Variants in SOX5 observed in about 807,000 individuals in gnomAD.
SOX5 encodes SRY-box transcription factor 5, also known as transcription factor SOX-5.
SOX5 carries 9 observed loss-of-function variants against 92.0 expected under a neutral mutation model. The ratio of observed to expected loss-of-function variants is 0.10; its 90% CI spans 0.06 to 0.17. SOX5 has a LOEUF of 0.17. Ranked by LOEUF, SOX5 falls within the 10% of genes least tolerant of loss-of-function variation. SOX5 has a pLI of 1.00. For synonymous variants in SOX5, 344 were observed against 336.3 expected (o/e 1.02, Z -0.25); for missense variants, 642 against 944.5 (o/e 0.68, Z 4.20).
chr12:24,383,762 TG>T (rs1368016341), intron 1 of SOX5, among the ~76,000 whole-genome samples: 1 of 152,076 alleles, frequency 6.6e-6, no homozygotes. Flanking sequence ...AAGGACTGGT[TG>T]GGGGGTACTG....
At chr12:23,936,623 A>G (rs946365474) in intron 1 of SOX5, among the ~76,000 whole-genome samples, 1 of 150,852 alleles carries the variant, frequency 6.6e-6, no homozygotes, top group Non-Finnish European at 1.5e-5. Flanking sequence ...AGAAGTTTTG[A>G]TTTCCCTCCA....
chr12:24,212,469 C>T (rs1958734712), intron 4 of SOX5: 1 of 533,960 alleles, frequency 1.9e-6, no homozygotes, highest in African/African-American at 1.9e-5. Context: ...AGACACACTC[C>T]AGGGGAGCTG....
chr12:23,856,309 A>G (rs1156251265), intron 2 of SOX5, among the ~76,000 whole-genome samples: 1 of 152,172 alleles, frequency 6.6e-6, no homozygotes, highest in Admixed American at 6.5e-5. Flanking sequence ...GTTTTAAAGG[A>G]CATAAAAAGC....
rs368337447 is a variant in SOX5 at position 24,036,317 on chromosome 12, G to A, written c.-1-140293C>T. ...CCTTAGGAAGGGGGTAGTCCCATGTGTAAATGATAATTAATGCCATTAAAC... is the reference window on the plus strand; with the variant it reads ...CCTTAGGAAGGGGGTAGTCCCATGTATAAATGATAATTAATGCCATTAAAC... On this transcript the variant is annotated intron_variant, in intron 4 of 4. Transcript: ENST00000446891. 7.9e-5 allele frequency among the ~76,000 whole-genome samples: 12 copies of A among 152,192 alleles called. No individual in the cohort carries two copies. The East Asian group carries it at 1.4e-3, about 17-fold the overall frequency.
chr12:24,500,439 G>A (rs776465011), intron 1 of SOX5, among the ~76,000 whole-genome samples: 1 of 151,998 alleles, frequency 6.6e-6, no homozygotes, highest in African/African-American at 2.4e-5. Context: ...CTTTTTAAAC[G>A]ACATGATGAT....
chr12:24,507,695 AC>A (rs1948927420), intron 1 of SOX5, among the ~76,000 whole-genome samples: 1 of 152,218 alleles, frequency 6.6e-6, no homozygotes, highest in African/African-American at 2.4e-5. Context: ...ATTGTTATGT[AC>A]GAAAATGTCC....
intron 1 of SOX5, among the ~76,000 whole-genome samples, chr12:23,945,564 T>A (rs2139679110): frequency 6.6e-6 from 1 of 152,294 alleles, no homozygotes. Flanking sequence ...TCCAAACCAA[T>A]GTCTTAGCTC....
At chr12:23,606,688 A>G (rs1308943347) in intron 8 of SOX5, among the ~76,000 whole-genome samples, 1 of 152,020 alleles carries the variant, frequency 6.6e-6, no homozygotes, top group Non-Finnish European at 1.5e-5. Flanking sequence ...AAGTATAAAA[A>G]CTCTAAAATA....
intron 4 of SOX5, among the ~76,000 whole-genome samples, chr12:23,985,561 A>G (rs1245565712): frequency 6.6e-6 from 1 of 152,220 alleles, no homozygotes; most frequent in Non-Finnish European, 1.5e-5. Flanking sequence ...AAGGTTCTGC[A>G]TAAGAAACAA....
intron 1 of SOX5, among the ~76,000 whole-genome samples, chr12:23,943,993 T>C (rs1944124427): frequency 6.6e-6 from 1 of 152,106 alleles, no homozygotes; most frequent in Non-Finnish European, 1.5e-5. Flanking sequence ...TAAGGTTCAG[T>C]GGTTCCAAAC....
chr12:24,229,495 T>G (rs1962902436), intron 3 of SOX5, among the ~76,000 whole-genome samples: 1 of 151,668 alleles, frequency 6.6e-6, no homozygotes, highest in Non-Finnish European at 1.5e-5. Flanking sequence ...AAGCAGAGGC[T>G]GCTTTCTTGG....
intron 14 of SOX5, among the ~76,000 whole-genome samples, 163 bp from the exon 15 acceptor site, chr12:23,534,685 CTTGT>C (rs1049902096): frequency 6.0e-5 from 9 of 149,936 alleles, no homozygotes; most frequent in Admixed American, 4.7e-4. Context: ...ACTTTAATAC[CTTGT>C]TTTTCTTTTC....
chr12:24,376,689 CCTTTTTTTTTTTTTTTTTTTTTTTTT>C (rs1298032203), intron 1 of SOX5, among the ~76,000 whole-genome samples: 9 of 93,084 alleles, frequency 9.7e-5, no homozygotes, highest in Admixed American at 2.6e-4. Context: ...GGGAGAGATA[CCTTTTTTTTTTTTTTTTTTTTTTTTT>C]TTTTTTTTTT....
At chr12:24,532,164 T>A (rs1951254012) in intron 1 of SOX5, among the ~76,000 whole-genome samples, 1 of 152,214 alleles carries the variant, frequency 6.6e-6, no homozygotes, top group Non-Finnish European at 1.5e-5. Context: ...TTTCTATCTA[T>A]GTAATACTCA....
chr12:23,866,344 A>C (rs2096813626), intron 2 of SOX5, among the ~76,000 whole-genome samples: 1 of 152,184 alleles, frequency 6.6e-6, no homozygotes, highest in Non-Finnish European at 1.5e-5. Flanking sequence ...GTAACTAAAG[A>C]GTTTTAAAGT....
chr12:23,755,747 G>C (rs1003063988), intron 3 of SOX5, 23 bp from the exon 4 acceptor site: 1 of 1,461,326 alleles, frequency 6.8e-7, no homozygotes. Flanking sequence ...AAAAAGAAGT[G>C]AGCAAATCAA....
chr12:23,624,850 TAAA>T (rs1440656480), intron 8 of SOX5, among the ~76,000 whole-genome samples: 1 of 152,152 alleles, frequency 6.6e-6, no homozygotes, highest in African/African-American at 2.4e-5. Flanking sequence ...TGCAACAAGA[TAAA>T]AAGGATCTCA....
At chr12:24,351,108 T>C (rs1453514288) in intron 2 of SOX5, among the ~76,000 whole-genome samples, 1 of 152,116 alleles carries the variant, frequency 6.6e-6, no homozygotes, top group Non-Finnish European at 1.5e-5. Context: ...AAGTGGTAGA[T>C]ATTACCTCAA....
At chr12:24,458,812 TAAC>T (rs1478022113) in intron 1 of SOX5, among the ~76,000 whole-genome samples, 1 of 152,150 alleles carries the variant, frequency 6.6e-6, no homozygotes, top group Non-Finnish European at 1.5e-5. Context: ...CATTTAGAGA[TAAC>T]AACTAAATGG....
Sources: gnomAD v4.1 joint callset for allele counts (sites outside exome capture counted in the v4.1 genomes callset) on GRCh38, gnomAD v4.1.1 for gene constraint, MANE v1.5 for transcripts, NCBI Gene and HGNC (gene_info 2026-07-23, HGNC 2026-07-21) for gene names.